Variants in RBMS3 observed in about 807,000 individuals in gnomAD.
RBMS3 encodes the protein RNA-binding motif, single-stranded-interacting protein 3.
Under a neutral mutation model 66.8 loss-of-function variants are expected in RBMS3, and 27 were observed. The ratio of observed to expected loss-of-function variants is 0.40; its 90% confidence interval spans 0.30 to 0.56. RBMS3 has a LOEUF of 0.56. Among genes scored for constraint, RBMS3 ranks in the 20% least tolerant of loss-of-function variants. The pLI, the probability that RBMS3 is intolerant of heterozygous loss-of-function variation, is 0.40. For synonymous variants in RBMS3, 188 were observed against 183.0 expected (o/e 1.03, Z -0.22); for missense variants, 513 against 549.5 (o/e 0.93, Z 0.66).
At chr3:29,819,834 T>C (rs1268874827) in intron 6 of RBMS3, among the ~76,000 whole-genome samples, 1 of 152,168 alleles carries the variant, frequency 6.6e-6, no homozygotes, top group Non-Finnish European at 1.5e-5. Context: ...TCAGCTAACT[T>C]TTTTGGTGAA....
At chr3:29,454,930 GT>G (rs1188584381) in intron 2 of RBMS3, among the ~76,000 whole-genome samples, 1 of 152,088 alleles carries the variant, frequency 6.6e-6, no homozygotes. Flanking sequence ...AGATCTGAGT[GT>G]TTTTTAAAAT....
intron 2 of RBMS3, among the ~76,000 whole-genome samples, chr3:29,459,394 CA>C (rs2042298373): frequency 6.6e-6 from 1 of 152,134 alleles, no homozygotes; most frequent in South Asian, 2.1e-4. Flanking sequence ...GTCCCTTTGT[CA>C]GCTGAATAAT....
chr3:29,933,398 C>T (rs1195690584), intron 10 of RBMS3, among the ~76,000 whole-genome samples: 5 of 152,106 alleles, frequency 3.3e-5, no homozygotes, highest in Admixed American at 3.3e-4. Flanking sequence ...TCCCCCTTTG[C>T]TGTAGGTAAC....
chr3:29,340,650 C>T (rs2036229413), intron 1 of RBMS3, among the ~76,000 whole-genome samples: 1 of 152,048 alleles, frequency 6.6e-6, no homozygotes. Flanking sequence ...TACCTTTTGC[C>T]TGAATCTATT....
At chr3:29,966,271 G>A (rs1056879745) in intron 12 of RBMS3, among the ~76,000 whole-genome samples, 1 of 152,136 alleles carries the variant, frequency 6.6e-6, no homozygotes, top group African/African-American at 2.4e-5. Context: ...TATTCTGATG[G>A]GGATTTTGTG....
At chr3:29,622,757 C>T (rs1014600028) in intron 4 of RBMS3, among the ~76,000 whole-genome samples, 4 of 152,184 alleles carry the variant, frequency 2.6e-5, no homozygotes, top group Non-Finnish European at 5.9e-5. Context: ...AACTCTGCCA[C>T]TGTGGAAGCT....
chr3:29,997,022 A>T, intron 14 of RBMS3, among the ~76,000 whole-genome samples: 1 of 151,514 alleles, frequency 6.6e-6, no homozygotes, highest in East Asian at 1.9e-4. Flanking sequence ...GACCGCTAGC[A>T]AGACTAATAA....
chr3:29,371,914 T>G (rs13089350), intron 1 of RBMS3, among the ~76,000 whole-genome samples: 19,153 of 152,216 alleles, frequency 0.13, 1,758 homozygotes, highest in East Asian at 0.4. Context: ...AAAAGATTCC[T>G]CTATTCATTT....
At chr3:29,805,355 A>G (rs750756077) in intron 6 of RBMS3, among the ~76,000 whole-genome samples, 19 of 152,102 alleles carry the variant, frequency 1.2e-4, no homozygotes, top group African/African-American at 1.9e-4. Context: ...AATGGTTTAT[A>G]TATTTTCTAT....
At chr3:29,924,375 TTTC>T (rs1172875667) in intron 10 of RBMS3, among the ~76,000 whole-genome samples, 1 of 152,076 alleles carries the variant, frequency 6.6e-6, no homozygotes, top group African/African-American at 2.4e-5. Flanking sequence ...AGGGTTTTCT[TTTC>T]TTTTTTCTTT....
intron 8 of RBMS3, among the ~76,000 whole-genome samples, chr3:29,894,859 C>G (rs2060089594): frequency 6.6e-6 from 1 of 151,566 alleles, no homozygotes; most frequent in Non-Finnish European, 1.5e-5. Flanking sequence ...GAAGAAGAGA[C>G]AGCCTTATTA....
At chr3:29,566,028 A>AAAAAG (rs1228314447) in intron 3 of RBMS3, among the ~76,000 whole-genome samples, 3 of 152,172 alleles carry the variant, frequency 2.0e-5, no homozygotes, top group African/African-American at 7.2e-5. Context: ...TATATATGTG[A>AAAAAG]CCAAATGAAA....
chr3:29,972,594 A>G (rs894115503), intron 12 of RBMS3, among the ~76,000 whole-genome samples: 2 of 152,038 alleles, frequency 1.3e-5, no homozygotes, highest in African/African-American at 2.4e-5. Context: ...AAATAATATC[A>G]CTGACCCTTT....
At chr3:29,570,555 A>T (rs1654726233) in intron 3 of RBMS3, among the ~76,000 whole-genome samples, 2 of 152,158 alleles carry the variant, frequency 1.3e-5, no homozygotes, top group African/African-American at 4.8e-5. Flanking sequence ...TATATCCAAC[A>T]AATAAGTGAG....
intron 10 of RBMS3, among the ~76,000 whole-genome samples, chr3:29,931,334 T>G (rs1188220678): frequency 6.6e-6 from 1 of 152,160 alleles, no homozygotes; most frequent in Non-Finnish European, 1.5e-5. Flanking sequence ...AGGTATTAAG[T>G]GCTAAAGTGA....
At position 29,895,725 on chromosome 3, in the gene RBMS3, G is replaced by T. The variant is rs1416495112; in HGVS notation, c.792-1654G>T. On this transcript the variant is annotated intron_variant, in intron 8 of 14. Coordinates refer to ENST00000383767, the MANE Select transcript of RBMS3 (RefSeq NM_001003793.3). ...GATTAAAGTTTTTCCATAAACAAAA[G>T]TTTTTATTTAATTTTGGTTAGTATG... 4.0e-5 allele frequency among the ~76,000 whole-genome samples: 6 copies of T among 151,400 alleles called. No homozygotes were observed. In the East Asian group the frequency reaches 7.8e-4, roughly 20 times the overall value.
intron 2 of RBMS3, among the ~76,000 whole-genome samples, chr3:29,483,141 TA>T (rs397772507): frequency 1.3e-5 from 2 of 149,420 alleles, no homozygotes; most frequent in Non-Finnish European, 3.0e-5. Context: ...CTGTCTCTAC[TA>T]AAAAAAATAC....
At chr3:29,773,657 C>T (rs1477728531) in intron 6 of RBMS3, among the ~76,000 whole-genome samples, 1 of 152,094 alleles carries the variant, frequency 6.6e-6, no homozygotes, top group Non-Finnish European at 1.5e-5. Flanking sequence ...CAACCAGCAC[C>T]TGCATCTCTT....
intron 13 of RBMS3, 53 bp downstream of exon 13, chr3:29,988,276 A>C (rs1168821735): frequency 6.9e-7 from 1 of 1,454,178 alleles, no homozygotes. Flanking sequence ...TCTCAGTCAC[A>C]TATACTGTAG....
Sources: gnomAD v4.1 joint callset for allele counts (sites outside exome capture counted in the v4.1 genomes callset) on GRCh38, gnomAD v4.1.1 for gene constraint, MANE v1.5 for transcripts, NCBI Gene and HGNC (gene_info 2026-07-23, HGNC 2026-07-21) for gene names.